The following AFTPH variants were observed in gnomAD, a reference collection of about 807,000 sequenced individuals.
AFTPH encodes aftiphilin, also known as aftiphilin protein.
AFTPH carries 7 observed loss-of-function variants against 72.5 expected under a neutral mutation model. The observed-to-expected ratio is 0.10, with a 90% CI of 0.05 to 0.18. The LOEUF is 0.18. Among genes scored for constraint, AFTPH ranks in the 10% least tolerant of loss-of-function variants. The pLI, the probability that AFTPH is intolerant of heterozygous loss-of-function variation, is 1.00. For missense variants in AFTPH, 979 were observed against 1,060.5 expected, an observed-to-expected ratio of 0.92 and a Z score of 1.07; for synonymous variants, 337 against 370.1, an observed-to-expected ratio of 0.91 and a Z score of 1.03.
At chr2:64,539,248 G>A (rs1254158071) in intron 1 of AFTPH, among the ~76,000 whole-genome samples, 1 of 152,176 alleles carries the variant, frequency 6.6e-6, no homozygotes, top group Non-Finnish European at 1.5e-5. Context: ...ACTATCCAGA[G>A]TGTAGCATTA....
At chr2:64,546,463 C>T (rs1042807726) in intron 1 of AFTPH, among the ~76,000 whole-genome samples, 5 of 152,028 alleles carry the variant, frequency 3.3e-5, no homozygotes, top group African/African-American at 1.2e-4. Context: ...TAATTAAGGA[C>T]TCCAATATCA....
chr2:64,590,515 TTGTCA>T (rs2104273435), intron 8 of AFTPH, among the ~76,000 whole-genome samples: 1 of 152,334 alleles, frequency 6.6e-6, no homozygotes, highest in Non-Finnish European at 1.5e-5. Context: ...AGGTTTTCAC[TTGTCA>T]TGTATCTGGT....
intron 7 of AFTPH, among the ~76,000 whole-genome samples, chr2:64,584,752 A>G (rs1673406567): frequency 6.6e-6 from 1 of 151,772 alleles, no homozygotes; most frequent in Non-Finnish European, 1.5e-5. Context: ...GCCCACCACC[A>G]TGCCCGGCTA....
intron 2 of AFTPH, among the ~76,000 whole-genome samples, chr2:64,566,866 T>C (rs1672118970): frequency 6.6e-6 from 1 of 152,052 alleles, no homozygotes; most frequent in Non-Finnish European, 1.5e-5. Flanking sequence ...GGTAGTGTAG[T>C]ATTCTATTCA....
intron 8 of AFTPH, among the ~76,000 whole-genome samples, chr2:64,590,305 C>T (rs990177929): frequency 1.3e-5 from 2 of 152,112 alleles, no homozygotes; most frequent in African/African-American, 4.8e-5. Flanking sequence ...GTAATATTTG[C>T]TGTGTTCTCT....
At position 64,576,843 on chromosome 2, in the gene AFTPH, C is replaced by CT. The variant is rs1410854352; in HGVS notation, c.2395-2642dup. 3.3e-5 allele frequency among the ~76,000 whole-genome samples: 5 copies of CT among 152,182 alleles called. No individual in the cohort carries two copies. The South Asian group carries it at 6.2e-4, about 19-fold the overall frequency. Reference sequence around the variant, plus strand: ...GCGCAGTCTCAGGTCACTGCAACCTCTGTCTCCTGGGTTCAAGCGATTCTC... The same window carrying CT: ...GCGCAGTCTCAGGTCACTGCAACCTCTTGTCTCCTGGGTTCAAGCGATTCTC... On this transcript the variant is annotated intron_variant, in intron 6 of 8. Coordinates refer to ENST00000238856, the Ensembl canonical transcript of AFTPH.
chr2:64,578,871 G>A (rs1672991106), intron 6 of AFTPH: 1 of 152,234 alleles, frequency 6.6e-6, no homozygotes, highest in Non-Finnish European at 1.5e-5. Context: ...CATCCCTTGA[G>A]TGTATTGTTT....
chr2:64,540,972 T>C lies in AFTPH; in HGVS notation c.-32-10471T>C, dbSNP rs186209143. On this transcript the variant is annotated intron_variant, in intron 1 of 8. Transcript: ENST00000238856. ...GCCTTTTTGTAAGAATTTTTATAAT[T>C]GTAATATTTGCCGTCAATCACGTCT... Among the ~76,000 whole-genome samples, 4 of 152,268 alleles carry C rather than the reference T, an allele frequency of 2.6e-5. No homozygotes were observed. In the East Asian group the frequency reaches 7.7e-4, roughly 29 times the overall value.
intron 1 of AFTPH, among the ~76,000 whole-genome samples, chr2:64,526,932 C>G (rs1289332756): frequency 6.6e-6 from 1 of 152,166 alleles, no homozygotes; most frequent in Non-Finnish European, 1.5e-5. Context: ...AGTAACTTGC[C>G]TTAGGTCAAA....
chr2:64,564,614 AAAAAAAT>A (rs904112977), intron 2 of AFTPH, among the ~76,000 whole-genome samples: 34 of 146,638 alleles, frequency 2.3e-4, no homozygotes, highest in Middle Eastern at 3.4e-3. Flanking sequence ...ACTCCATCTC[AAAAAAAT>A]AAAAAATAAA....
At chr2:64,554,011 T>C (rs1047742466) in intron 2 of AFTPH, among the ~76,000 whole-genome samples, 1 of 152,166 alleles carries the variant, frequency 6.6e-6, no homozygotes, top group African/African-American at 2.4e-5. Context: ...TAGCAGCTGC[T>C]AAAAGACTTG....
chr2:64,568,872 A>C (rs1248699507), intron 3 of AFTPH, among the ~76,000 whole-genome samples: 2 of 152,198 alleles, frequency 1.3e-5, no homozygotes, highest in Non-Finnish European at 2.9e-5. Flanking sequence ...TCGGCCTCCC[A>C]AATTGCTGGG....
intron 1 of AFTPH, among the ~76,000 whole-genome samples, chr2:64,526,085 A>G (rs1453574897): frequency 6.6e-6 from 1 of 152,226 alleles, no homozygotes; most frequent in Non-Finnish European, 1.5e-5. Context: ...TTAAGTTTTA[A>G]TGTTTGCTGA....
At chr2:64,540,392 G>A (rs1394088401) in intron 1 of AFTPH, among the ~76,000 whole-genome samples, 1 of 151,940 alleles carries the variant, frequency 6.6e-6, no homozygotes, top group East Asian at 1.9e-4. Context: ...TCTCAAATAT[G>A]GTCAGCTGAT....
chr2:64,575,461 A>G (rs1672705975), intron 6 of AFTPH, among the ~76,000 whole-genome samples: 1 of 152,088 alleles, frequency 6.6e-6, no homozygotes, highest in Non-Finnish European at 1.5e-5. Context: ...CCCTGCCTCT[A>G]CAAAAATTAG....
intron 8 of AFTPH, among the ~76,000 whole-genome samples, chr2:64,587,386 C>A (rs1040739373): frequency 6.6e-6 from 1 of 152,108 alleles, no homozygotes; most frequent in Non-Finnish European, 1.5e-5. Flanking sequence ...TACAAATGCC[C>A]GCAAGTCTTA....
At position 64,567,556 on chromosome 2, in the gene AFTPH, A is replaced by G. The variant is rs376225300; in HGVS notation, c.1936-6A>G. The G allele has an allele frequency of 1.3e-6, 2 of 1,595,530 alleles. No homozygotes were observed. Among genetic ancestry groups the G allele is most frequent in the Non-Finnish European group, 1.7e-6 (2 of 1,173,914 alleles). On this transcript the variant is annotated splice_polypyrimidine_tract_variant and splice_region_variant and intron_variant, in intron 2 of 8. Coordinates refer to ENST00000238856, the Ensembl canonical transcript of AFTPH. ...AAATAAACTTTTGGGGGGTGTTTTG[A>G]TGCAGACAGCTTTATTAAACCGCCT...
chr2:64,582,264 T>C (rs1457106771), intron 7 of AFTPH, among the ~76,000 whole-genome samples: 1 of 152,200 alleles, frequency 6.6e-6, no homozygotes, highest in Non-Finnish European at 1.5e-5. Context: ...CACTAGATAG[T>C]GCTACCACCC....
At chr2:64,589,867 T>C (rs374097512) in intron 8 of AFTPH, among the ~76,000 whole-genome samples, 1 of 147,938 alleles carries the variant, frequency 6.8e-6, no homozygotes, top group African/African-American at 2.5e-5. Context: ...AATGAAAGTA[T>C]CACATTCTTA....
Sources: allele counts gnomAD v4.1 joint callset (sites outside exome capture counted in the v4.1 genomes callset), GRCh38; gene constraint gnomAD v4.1.1; transcripts MANE v1.5; gene names NCBI Gene and HGNC (gene_info 2026-07-23, HGNC 2026-07-21).